The following PDE6B variants were observed in gnomAD, a reference collection of about 807,000 sequenced individuals.
PDE6B encodes the protein rod cGMP-specific 3',5'-cyclic phosphodiesterase subunit beta.
In PDE6B, 106 loss-of-function variants were observed where a neutral mutation model predicts 109.0. The ratio of observed to expected loss-of-function variants is 0.97; its 90% CI spans 0.83 to 1.14. PDE6B has a LOEUF of 1.14. Among genes scored for constraint, PDE6B ranks in the 50% most tolerant of loss-of-function variants. The pLI is 0.00. For synonymous variants in PDE6B, 490 were observed against 471.3 expected (o/e 1.04, Z -0.51); for missense variants, 1,193 against 1,155.6 (o/e 1.03, Z -0.47).
At chr4:656,639 C>T (rs1413099348) in intron 8 of PDE6B, among the ~76,000 whole-genome samples, 1 of 152,256 alleles carries the variant, frequency 6.6e-6, no homozygotes, top group Non-Finnish European at 1.5e-5. Context: ...TGAAACCACT[C>T]CTGGTGGGAA....
At chr4:656,809 CGGCCACACGCCCG>C in intron 8 of PDE6B, 52 bp from the exon 9 acceptor site, 1 of 1,529,860 alleles carries the variant, frequency 6.5e-7, no homozygotes, top group Non-Finnish European at 9.0e-7. Flanking sequence ...TCACTCTCCC[CGGCCACACGCCCG>C]GGCCAGGGCC....
In PDE6B at chr4:633,608, G is replaced by A. The variant is rs1734497369; in HGVS notation, c.469-1069G>A. On this transcript the variant is annotated intron_variant, in intron 1 of 21. Coordinates refer to ENST00000496514, the MANE Select transcript of PDE6B (RefSeq NM_000283.4). This position sits in a 1 kb window ranked among gnomAD's most constrained non-coding sequence, Gnocchi z 4.5. ...CATCCCAGGAGCTCCCATTCAGCTG[G>A]CGCAGTGGCTGAGGGCAGAGCCTGT... 6.6e-6 allele frequency among the ~76,000 whole-genome samples: 1 copy of A among 152,204 alleles called. No homozygotes were observed. The highest frequency in any genetic ancestry group is 2.1e-4 in the South Asian group (1 of 4,830).
At chr4:647,130 T>G in intron 3 of PDE6B, among the ~76,000 whole-genome samples, 1 of 152,040 alleles carries the variant, frequency 6.6e-6, no homozygotes, top group East Asian at 1.9e-4. Flanking sequence ...AGCACTAGAA[T>G]TACAGGCATG....
At chr4:659,797 G>A in intron 11 of PDE6B, among the ~76,000 whole-genome samples, 1 of 152,220 alleles carries the variant, frequency 6.6e-6, no homozygotes, top group Non-Finnish European at 1.5e-5. Context: ...GATATATATA[G>A]ACACATGCTT....
intron 11 of PDE6B, 136 bp from the exon 12 acceptor site, chr4:660,331 C>G (rs551237483): frequency 1.1e-6 from 1 of 871,674 alleles, no homozygotes; most frequent in Non-Finnish European, 1.9e-6. Context: ...CAGGCTGGAG[C>G]GCCAGGAATG....
chr4:659,065 G>A (rs1339932488), intron 11 of PDE6B, 48 bp downstream of exon 11: 1 of 1,385,742 alleles, frequency 7.2e-7, no homozygotes, highest in South Asian at 1.2e-5. Flanking sequence ...CCACGTGTGA[G>A]GCTGGGAGGA....
intron 3 of PDE6B, among the ~76,000 whole-genome samples, chr4:649,270 T>C (rs1302754129): frequency 6.6e-6 from 1 of 152,204 alleles, no homozygotes; most frequent in Non-Finnish European, 1.5e-5. Flanking sequence ...ATTGTCATAA[T>C]GGCTATGTTT....
chr4:654,587 T>C (rs1225668009), intron 5 of PDE6B: 2 of 626,560 alleles, frequency 3.2e-6, no homozygotes, highest in Non-Finnish European at 5.8e-6. Context: ...GGGGACGGTC[T>C]GCATGTGTGT....
In PDE6B at chr4:665,232, C is replaced by CAGCT. The variant is rs766532892; in HGVS notation, c.2194-22_2194-19dup. 6.7e-5 allele frequency: 106 copies of CAGCT among 1,584,960 alleles called. No individual in the cohort carries two copies. Among genetic ancestry groups the CAGCT allele is most frequent in the Non-Finnish European group, 8.8e-5 (102 of 1,154,728 alleles). Reference sequence around the variant, plus strand: ...CCGCGTGGGCTCAGAGCTCCACAGACAGCTGCCTTCCTGTGCCTCCAGGTC... The same window carrying CAGCT: ...CCGCGTGGGCTCAGAGCTCCACAGACAGCTAGCTGCCTTCCTGTGCCTCCAGGTC... On this transcript the variant is annotated intron_variant, in intron 18 of 21. Transcript: ENST00000496514. This position sits in a 1 kb window ranked among gnomAD's most constrained non-coding sequence, Gnocchi z 4.0.
chr4:656,768 C>T (rs1281262686), intron 8 of PDE6B, 106 bp from the exon 9 acceptor site: 5 of 1,010,600 alleles, frequency 4.9e-6, no homozygotes, highest in South Asian at 2.6e-5. Flanking sequence ...ACGAGCCCAG[C>T]CGTCACGGCT....
rs781513249 is a variant in PDE6B at position 670,116 on chromosome 4, C to A, written c.*9C>A. ...CCTGCTGTATCCTGTGAGCACTGGT[C>A]CCATGGGGACCCTATGGCTCCCTCA... On this transcript the variant is annotated 3_prime_UTR_variant, in exon 22 of 22. Coordinates refer to ENST00000496514, the MANE Select transcript of PDE6B (RefSeq NM_000283.4). 4.3e-6 allele frequency: 7 copies of A among 1,610,746 alleles called. No homozygotes were observed. The South Asian group carries it at 4.4e-5, about 10-fold the overall frequency.
intron 1 of PDE6B, among the ~76,000 whole-genome samples, chr4:627,703 C>T (rs2109117973): frequency 6.7e-6 from 1 of 149,492 alleles, no homozygotes; most frequent in South Asian, 2.2e-4. Context: ...CCACCCTCCT[C>T]CCTCCTTTTC....
chr4:632,715 G>T (rs983820320), intron 1 of PDE6B, among the ~76,000 whole-genome samples: 9 of 133,624 alleles, frequency 6.7e-5, no homozygotes, highest in African/African-American at 2.6e-4. Flanking sequence ...CGTTGTGTGG[G>T]TCCGTGTGGC....
Position 635,982 on chromosome 4 carries a change from T to C in PDE6B, c.711+13T>C. Reference sequence around the variant, plus strand: ...GCGCCGCGGCCAGGTACCCACACGCTGAGCACAGCTCTGCCCACGAGGGCC... The same window carrying C: ...GCGCCGCGGCCAGGTACCCACACGCCGAGCACAGCTCTGCCCACGAGGGCC... On this transcript the variant is annotated intron_variant, in intron 3 of 21. Transcript: ENST00000496514. The C allele has an allele frequency of 1.3e-6, 2 of 1,498,698 alleles. No homozygotes were observed. The highest frequency in any genetic ancestry group is 1.9e-6 in the Non-Finnish European group (2 of 1,074,710). 92.8% of individuals were successfully genotyped at this position (1,498,698 alleles called of 1,614,324 possible).
intron 3 of PDE6B, among the ~76,000 whole-genome samples, chr4:638,746 T>C (rs1022487943): frequency 6.6e-6 from 1 of 152,190 alleles, no homozygotes; most frequent in Non-Finnish European, 1.5e-5. Context: ...GGGTCCTCGT[T>C]ACCCTAGCAG....
Position 664,131 on chromosome 4 carries a change from A to G in PDE6B, c.2039A>G (p.Gln680Arg), listed in dbSNP as rs1432322807. Reference protein sequence around the residue: ...ALYFKKRAMFQKIVDESKNYQ... With the variant: ...ALYFKKRAMFRKIVDESKNYQ... ...GGGTTCAGGAAGAGAGCGATGTTTC[A>G]GAAGATCGTGGATGAGTCCAAGAAC... The change falls in exon 17 of 22, where the codon CAG (glutamine) becomes CGG (arginine). Residue 680 changes from glutamine to arginine, a missense_variant. Gln to Arg is a conservative substitution (Grantham distance 43). Coordinates refer to ENST00000496514, the MANE Select transcript of PDE6B (RefSeq NM_000283.4). 1.2e-6 allele frequency: 2 copies of G among 1,609,452 alleles called. No homozygotes were observed. The highest frequency in any genetic ancestry group is 2.7e-5 in the African/African-American group (2 of 74,844).
chr4:626,517 G>A lies in PDE6B; in HGVS notation c.468+423G>A, dbSNP rs996628096. On this transcript the variant is annotated intron_variant, in intron 1 of 21. Coordinates refer to ENST00000496514, the MANE Select transcript of PDE6B (RefSeq NM_000283.4). The surrounding 1 kb of genome is among the most constrained non-coding windows in gnomAD (Gnocchi z 4.6). ...GGAGGGAGGCCCTGCCTTGGGATTT[G>A]GGAAGAAGAGGTCACAGTCGAAGGT... 6.6e-6 allele frequency among the ~76,000 whole-genome samples: 1 copy of A among 152,216 alleles called. No individual in the cohort carries two copies. Among genetic ancestry groups the A allele is most frequent in the Non-Finnish European group, 1.5e-5 (1 of 68,036 alleles).
chr4:654,262 A>C, intron 5 of PDE6B, 108 bp downstream of exon 5: 1 of 1,029,880 alleles, frequency 9.7e-7, no homozygotes, highest in Non-Finnish European at 1.5e-6. Context: ...GGGAGGTGGG[A>C]ACTGGCCGGT....
chr4:664,568 G>A lies in PDE6B; in HGVS notation c.2130-313G>A, dbSNP rs554366128. On this transcript the variant is annotated intron_variant, in intron 17 of 21. Transcript: ENST00000496514. The stretch of plus-strand genomic sequence containing the variant: ...CAGTGAGAAAATACACATAAACCCA[G>A]CACTTGGGAGGCCGAGGGGAGTGGA... Among the ~76,000 whole-genome samples, 122 of 152,278 alleles carry A rather than the reference G, an allele frequency of 8.0e-4. 1 individual carries two copies. The highest frequency in any genetic ancestry group is 2.6e-3 in the African/African-American group (109 of 41,550).
Sources: allele counts gnomAD v4.1 joint callset (sites outside exome capture counted in the v4.1 genomes callset), GRCh38; gene constraint gnomAD v4.1.1; non-coding constraint Gnocchi (gnomAD v3.1); transcripts MANE v1.5; gene names NCBI Gene and HGNC (gene_info 2026-07-23, HGNC 2026-07-21).